VAMP7: variants seen among roughly 807,000 people sequenced by gnomAD.
The protein encoded by VAMP7 is vesicle associated membrane protein 7, also known as vesicle-associated membrane protein 7.
In VAMP7, 14 loss-of-function variants were observed where a neutral mutation model predicts 29.6. That is an observed-to-expected ratio of 0.47 (90% CI 0.31 to 0.74). The LOEUF (loss-of-function observed/expected upper bound fraction) is 0.74. Ranked by LOEUF, VAMP7 falls within the 30% of genes least tolerant of loss-of-function variation. The probability of loss-of-function intolerance (pLI) is 0.05; values close to 1 mark genes in which losing one functional copy is unlikely to be tolerated. For missense variants in VAMP7, 223 were observed against 262.4 expected, an observed-to-expected ratio of 0.85 and a Z score of 1.04; for synonymous variants, 95 against 88.1, an observed-to-expected ratio of 1.08 and a Z score of -0.44.
At chrX:155,909,397 T>A (rs1456986376) in intron 5 of VAMP7, among the ~76,000 whole-genome samples, 3 of 152,196 alleles carry the variant, frequency 2.0e-5, no homozygotes, top group African/African-American at 7.2e-5. Context: ...TAAAGGTTTG[T>A]CAATTTTATT....
At chrX:155,941,530 A>G (rs1262521853) in intron 7 of VAMP7, among the ~76,000 whole-genome samples, 2 of 152,166 alleles carry the variant, frequency 1.3e-5, no homozygotes, top group Non-Finnish European at 2.9e-5. Flanking sequence ...ACCATACTTC[A>G]GGAGAATTAT....
intron 2 of VAMP7, among the ~76,000 whole-genome samples, chrX:155,890,625 C>G (rs1209812832): frequency 6.6e-6 from 1 of 152,114 alleles, no homozygotes; most frequent in African/African-American, 2.4e-5. Context: ...CCTCCCAAAG[C>G]GTTGGGATTA....
chrX:155,923,089 A>G (rs765419016), intron 6 of VAMP7, among the ~76,000 whole-genome samples: 5 of 152,050 alleles, frequency 3.3e-5, no homozygotes, highest in Admixed American at 3.3e-4. Context: ...GTATACTTCT[A>G]GCTGTTTCTT....
intron 5 of VAMP7, among the ~76,000 whole-genome samples, chrX:155,903,219 C>T (rs1189883583): frequency 2.0e-5 from 3 of 151,808 alleles, no homozygotes; most frequent in Non-Finnish European, 4.4e-5. Context: ...GGTGATATCC[C>T]CTTTATCATT....
intron 5 of VAMP7, among the ~76,000 whole-genome samples, chrX:155,903,113 G>A (rs919618161): frequency 2.0e-5 from 3 of 151,968 alleles, no homozygotes; most frequent in East Asian, 1.9e-4. Context: ...TGTATGTGTC[G>A]AGGAATTTAT....
rs531998416 is a variant in VAMP7, at chrX:155,927,481, CAAAAAAAA to C, written c.501+7621_501+7628del. ...GGGTTTCCACAGACCTTCGATTTGC[CAAAAAAAA>C]AAAAAAAAAAAAAAAAAAATCCATG... is the stretch of plus-strand genomic sequence containing the variant. On this transcript the variant is annotated intron_variant, in intron 6 of 7. Transcript: ENST00000286448. 2.7e-5 allele frequency among the ~76,000 whole-genome samples: 3 copies of C among 111,628 alleles called. No homozygotes were observed. In the Admixed American group the frequency reaches 2.9e-4, roughly 11 times the overall value. 73.2% of individuals were successfully genotyped at this position (111,628 alleles called of 152,430 possible).
intron 6 of VAMP7, among the ~76,000 whole-genome samples, chrX:155,934,731 G>T (rs1049946984): frequency 6.6e-6 from 1 of 152,102 alleles, no homozygotes; most frequent in African/African-American, 2.4e-5. Context: ...GTGTGAATTT[G>T]ATCCTGTCAT....
chrX:155,900,688 T>C (rs2066049912), intron 5 of VAMP7, 101 bp downstream of exon 5: 2 of 946,762 alleles, frequency 2.1e-6, no homozygotes, highest in Non-Finnish European at 1.6e-6. Context: ...CACTTCCTTA[T>C]TCTTACCATT....
intron 6 of VAMP7, among the ~76,000 whole-genome samples, chrX:155,927,980 AC>A (rs2066495506): frequency 6.6e-6 from 1 of 152,008 alleles, no homozygotes; most frequent in African/African-American, 2.4e-5. Flanking sequence ...GTGCAGTGGC[AC>A]GATCACAGCT....
intron 4 of VAMP7, 106 bp downstream of exon 4, chrX:155,898,355 G>A: frequency 7.1e-7 from 1 of 1,401,262 alleles, no homozygotes; most frequent in Non-Finnish European, 9.6e-7. Context: ...TTCTGATTGT[G>A]TTACTGTAAG....
intron 2 of VAMP7, among the ~76,000 whole-genome samples, chrX:155,892,998 C>A (rs1434909511): frequency 6.6e-6 from 1 of 152,078 alleles, no homozygotes; most frequent in Non-Finnish European, 1.5e-5. Context: ...GGCAATCCGC[C>A]CGCCTCGGCC....
At chrX:155,937,629 G>A (rs1373137624) in intron 6 of VAMP7, among the ~76,000 whole-genome samples, 2 of 152,144 alleles carry the variant, frequency 1.3e-5, no homozygotes, top group African/African-American at 4.8e-5. Flanking sequence ...TACTAAAAGT[G>A]TAACATTTTC....
chrX:155,938,931 A>G (rs1017637765), intron 6 of VAMP7, among the ~76,000 whole-genome samples: 6 of 152,184 alleles, frequency 3.9e-5, no homozygotes, highest in Admixed American at 3.3e-4. Flanking sequence ...TAGATTGTGA[A>G]TTGTCATTAC....
At chrX:155,929,082 G>A (rs2066511004) in intron 6 of VAMP7, among the ~76,000 whole-genome samples, 1 of 152,024 alleles carries the variant, frequency 6.6e-6, no homozygotes, top group South Asian at 2.1e-4. Flanking sequence ...AGAATTCTAG[G>A]GTTAAGATCA....
At chrX:155,898,384 C>A in intron 4 of VAMP7, 135 bp downstream of exon 4, 4 of 1,201,008 alleles carry the variant, frequency 3.3e-6, no homozygotes, top group African/African-American at 1.6e-5. Context: ...ATAAAACTTC[C>A]CTGATTAAAA....
chrX:155,881,429 C>G lies in VAMP7; in HGVS notation c.-29C>G, dbSNP rs2065799685. On this transcript the variant is annotated 5_prime_UTR_variant, in exon 1 of 8. Transcript: ENST00000286448. ...TCCCTCCGTCCCGAGCCCGCGCGCCCTCAGAGGGTGCCCGGACAGGTAAAT... is the reference window on the plus strand; with the variant it reads ...TCCCTCCGTCCCGAGCCCGCGCGCCGTCAGAGGGTGCCCGGACAGGTAAAT... 6.6e-6 allele frequency: 1 copy of G among 150,446 alleles called. No individual in the cohort carries two copies. Among genetic ancestry groups the G allele is most frequent in the African/African-American group, 2.5e-5 (1 of 40,722 alleles). The allele number at this position is 150,446 out of a possible 1,614,324, so 9.3% of individuals were successfully genotyped here. A position where few individuals can be genotyped will look rare whatever the true frequency, so the allele number is the denominator to read the frequency against.
Position 155,894,703 on chromosome X carries a change from C to T in VAMP7, c.147-920C>T, listed in dbSNP as rs1247090165. On this transcript the variant is annotated intron_variant, in intron 2 of 7. Transcript: ENST00000286448. ...CAATCTCAGCTTACTACAGCCTCAACCTCCTGGGTTCCAGCGATCCTCCTG... is the reference window on the plus strand; with the variant it reads ...CAATCTCAGCTTACTACAGCCTCAATCTCCTGGGTTCCAGCGATCCTCCTG... Among the ~76,000 whole-genome samples, 3 of 152,108 alleles carry T rather than the reference C, an allele frequency of 2.0e-5. No individual in the cohort carries two copies. The East Asian group carries it at 5.8e-4, about 30-fold the overall frequency.
At chrX:155,901,472 G>C (rs1162583603) in intron 5 of VAMP7, among the ~76,000 whole-genome samples, 1 of 151,694 alleles carries the variant, frequency 6.6e-6, no homozygotes, top group African/African-American at 2.4e-5. Flanking sequence ...GTTTTTAATC[G>C]ACTCCTTTTA....
chrX:155,938,223 C>T (rs1423397787), intron 6 of VAMP7, among the ~76,000 whole-genome samples: 18 of 152,116 alleles, frequency 1.2e-4, no homozygotes, highest in Non-Finnish European at 2.5e-4. Context: ...ACTTTAACTG[C>T]TGTTTCTTCT....
Sources: allele counts gnomAD v4.1 joint callset (sites outside exome capture counted in the v4.1 genomes callset), GRCh38; gene constraint gnomAD v4.1.1; transcripts MANE v1.5; gene names NCBI Gene and HGNC (gene_info 2026-07-23, HGNC 2026-07-21).